NDUFS4: variants seen among roughly 807,000 people sequenced by gnomAD.
NDUFS4 encodes NADH dehydrogenase [ubiquinone] iron-sulfur protein 4, mitochondrial.
Under a neutral mutation model 24.3 loss-of-function variants are expected in NDUFS4, and 28 were observed. The observed-to-expected ratio is 1.15, with a 90% CI of 0.85 to 1.58. NDUFS4 has a LOEUF of 1.58. Among genes scored for constraint, NDUFS4 ranks in the 40% most tolerant of loss-of-function variants. The pLI, the probability that NDUFS4 is intolerant of heterozygous loss-of-function variation, is 0.00. For missense variants in NDUFS4, 223 were observed against 207.9 expected (o/e 1.07, Z -0.45); for synonymous variants, 93 against 69.7 (o/e 1.34, Z -1.67).
chr5:53,564,761 C>T (rs1436378203), intron 1 of NDUFS4, among the ~76,000 whole-genome samples: 1 of 152,056 alleles, frequency 6.6e-6, no homozygotes, highest in African/African-American at 2.4e-5. Context: ...AACACCTGAC[C>T]CCAAGTGATC....
At chr5:53,673,697 C>G (rs887758615) in intron 4 of NDUFS4, among the ~76,000 whole-genome samples, 1 of 152,068 alleles carries the variant, frequency 6.6e-6, no homozygotes, top group Admixed American at 6.6e-5. Flanking sequence ...AAAGTTTTAC[C>G]TCTCTGCCAC....
intron 1 of NDUFS4, among the ~76,000 whole-genome samples, chr5:53,563,909 A>G (rs961830031): frequency 6.6e-6 from 1 of 152,222 alleles, no homozygotes; most frequent in Admixed American, 6.5e-5. Context: ...ATGGCACTCT[A>G]TTTCAAAATA....
chr5:53,583,224 C>T (rs114847180), intron 1 of NDUFS4, among the ~76,000 whole-genome samples: 158 of 152,142 alleles, frequency 1.0e-3, no homozygotes, highest in African/African-American at 3.6e-3. Context: ...TTCAATATAG[C>T]CATCATGGAC....
intron 4 of NDUFS4, among the ~76,000 whole-genome samples, chr5:53,670,702 A>C (rs940123534): frequency 6.6e-6 from 1 of 151,208 alleles, no homozygotes; most frequent in Non-Finnish European, 1.5e-5. Flanking sequence ...ACTCATATCC[A>C]ACTTGGAAAA....
intron 1 of NDUFS4, among the ~76,000 whole-genome samples, chr5:53,565,912 G>T (rs1042762348): frequency 1.3e-5 from 2 of 152,192 alleles, no homozygotes; most frequent in Non-Finnish European, 2.9e-5. Context: ...GGTGGCTCAC[G>T]CCTGTAATCC....
chr5:53,568,301 C>G (rs1262186761), intron 1 of NDUFS4, among the ~76,000 whole-genome samples: 2 of 151,950 alleles, frequency 1.3e-5, no homozygotes, highest in African/African-American at 4.8e-5. Flanking sequence ...GCCTTGCCCC[C>G]CAGTCTATAT....
At chr5:53,591,553 T>C (rs1749962448) in intron 1 of NDUFS4, among the ~76,000 whole-genome samples, 1 of 152,024 alleles carries the variant, frequency 6.6e-6, no homozygotes, top group African/African-American at 2.4e-5. Flanking sequence ...TTTGCATGTT[T>C]TTGTGTGGAC....
At chr5:53,670,319 C>G (rs1329142575) in intron 4 of NDUFS4, among the ~76,000 whole-genome samples, 8 of 151,930 alleles carry the variant, frequency 5.3e-5, no homozygotes, top group Admixed American at 3.9e-4. Flanking sequence ...TAGATCTACA[C>G]TATCCAATAT....
chr5:53,603,516 G>A lies in NDUFS4; in HGVS notation c.163G>A (p.Val55Ile). ...DQTQDTQLITVDEKLDITTLT... is the reference protein window; with the variant it reads ...DQTQDTQLITIDEKLDITTLT... The stretch of plus-strand genomic sequence containing the variant: ...GACTCAAGACACACAACTCATAACA[G>A]TTGATGAAAAATTGGTAAGGATTTT... The change falls in exon 2 of 5, where the codon GTT becomes ATT. Residue 55 changes from valine to isoleucine, a missense_variant. By Grantham distance (29) the Val-to-Ile change is conservative. Coordinates refer to ENST00000296684, the MANE Select transcript of NDUFS4 (RefSeq NM_002495.4). 5 of 1,613,702 alleles carry A rather than the reference G, an allele frequency of 3.1e-6. No homozygotes were observed. Among genetic ancestry groups the A allele is most frequent in the Non-Finnish European group, 4.2e-6 (5 of 1,179,840 alleles).
chr5:53,584,011 T>G (rs1749661078), intron 1 of NDUFS4, among the ~76,000 whole-genome samples: 1 of 152,202 alleles, frequency 6.6e-6, no homozygotes, highest in South Asian at 2.1e-4. Context: ...ATCTGGCAGG[T>G]ACAGGCAACA....
intron 4 of NDUFS4, 55 bp from the exon 5 acceptor site, chr5:53,683,063 C>A: frequency 8.6e-7 from 1 of 1,159,602 alleles, no homozygotes; most frequent in Non-Finnish European, 1.3e-6. Context: ...CTGTGCTTTT[C>A]AGGTATCCTC....
intron 4 of NDUFS4, among the ~76,000 whole-genome samples, chr5:53,664,971 G>T (rs180826146): frequency 1.6e-3 from 247 of 152,190 alleles, no homozygotes; most frequent in African/African-American, 5.4e-3. Flanking sequence ...ATCTACCTTT[G>T]GTCTTTGATG....
intron 1 of NDUFS4, among the ~76,000 whole-genome samples, chr5:53,577,939 T>A (rs534956278): frequency 6.6e-6 from 1 of 152,186 alleles, no homozygotes; most frequent in African/African-American, 2.4e-5. Flanking sequence ...ATTCTCCAGA[T>A]GAGCATGTAT....
chr5:53,641,712 A>C (rs746755897), intron 2 of NDUFS4, among the ~76,000 whole-genome samples: 1 of 152,134 alleles, frequency 6.6e-6, no homozygotes, highest in Non-Finnish European at 1.5e-5. Context: ...ATATTTTTTA[A>C]ACTGTAAAAT....
intron 1 of NDUFS4, among the ~76,000 whole-genome samples, chr5:53,581,708 A>T (rs1306104201): frequency 1.3e-5 from 2 of 151,978 alleles, no homozygotes; most frequent in Non-Finnish European, 2.9e-5. Context: ...CATTATCTGA[A>T]CTCACAAGTT....
At chr5:53,604,428 G>A (rs1037737266) in intron 2 of NDUFS4, among the ~76,000 whole-genome samples, 1 of 152,152 alleles carries the variant, frequency 6.6e-6, no homozygotes, top group African/African-American at 2.4e-5. Context: ...ATCTTGTGCT[G>A]ACTGGTTTTA....
intron 1 of NDUFS4, among the ~76,000 whole-genome samples, chr5:53,569,059 A>T (rs1749131684): frequency 1.3e-5 from 2 of 152,166 alleles, no homozygotes; most frequent in African/African-American, 4.8e-5. Flanking sequence ...TCTCCTAAAA[A>T]TGTCAGTCTG....
chr5:53,661,306 C>G (rs1021876795), intron 4 of NDUFS4, among the ~76,000 whole-genome samples: 2 of 151,956 alleles, frequency 1.3e-5, no homozygotes, highest in Admixed American at 6.6e-5. Context: ...AGATCAGATA[C>G]TTGTAGATAT....
intron 1 of NDUFS4, among the ~76,000 whole-genome samples, chr5:53,586,524 GTTTA>G (rs1433903775): frequency 3.3e-5 from 5 of 151,230 alleles, no homozygotes; most frequent in African/African-American, 4.9e-5. Context: ...TTGTTTGTTT[GTTTA>G]TTTATTTATT....
Sources: gnomAD v4.1 joint callset for allele counts (sites outside exome capture counted in the v4.1 genomes callset) on GRCh38, gnomAD v4.1.1 for gene constraint, MANE v1.5 for transcripts, NCBI Gene and HGNC (gene_info 2026-07-23, HGNC 2026-07-21) for gene names.